TMCO4: variants seen among roughly 807,000 people sequenced by gnomAD.
TMCO4 encodes transmembrane and coiled-coil domain-containing protein 4.
In TMCO4, 58 loss-of-function variants were observed where a neutral mutation model predicts 64.7. That is an observed-to-expected ratio of 0.90 (90% CI 0.73 to 1.12). TMCO4 has a LOEUF of 1.12. TMCO4 is among the 50% of genes most tolerant of loss of function. TMCO4 has a pLI of 0.00. For missense variants in TMCO4, 780 were observed against 825.9 expected (o/e 0.94, Z 0.68); for synonymous variants, 325 against 346.1 (o/e 0.94, Z 0.68).
intron 13 of TMCO4, among the ~76,000 whole-genome samples, chr1:19,712,589 CA>C (rs1449182334): frequency 2.7e-5 from 4 of 146,366 alleles, no homozygotes; most frequent in Non-Finnish European, 6.0e-5. Context: ...CACTGCACTC[CA>C]GCCTGGGCAA....
chr1:19,745,469 C>G (rs2041728180), intron 10 of TMCO4, 63 bp downstream of exon 10: 7 of 1,609,040 alleles, frequency 4.4e-6, no homozygotes, highest in Non-Finnish European at 5.9e-6. Context: ...AAAACCTAGC[C>G]CAGGGTCTGG....
intron 14 of TMCO4, among the ~76,000 whole-genome samples, chr1:19,695,747 T>A (rs2095231862): frequency 6.6e-6 from 1 of 152,022 alleles, no homozygotes; most frequent in Admixed American, 6.6e-5. Flanking sequence ...GGTTTGTGAG[T>A]GGGTACCACT....
At chr1:19,739,678 G>T in intron 12 of TMCO4, 146 bp downstream of exon 12, 1 of 1,105,102 alleles carries the variant, frequency 9.0e-7, no homozygotes, top group Non-Finnish European at 1.3e-6. Flanking sequence ...TACTTGAACT[G>T]GAGAGGCAGC....
rs1157696492 is a variant in TMCO4, at chr1:19,682,699, C to T, written c.*341G>A. The stretch of plus-strand genomic sequence containing the variant: ...AGAGCCCTCGGGACCTCCTGATGGA[C>T]AGCCAGACTCCAAAGCTATGAGAAG... On this transcript the variant is annotated 3_prime_UTR_variant, in exon 16 of 16. Transcript: ENST00000294543. 3 of 717,648 alleles carry T rather than the reference C, an allele frequency of 4.2e-6. No homozygotes were observed. Among genetic ancestry groups the T allele is most frequent in the African/African-American group, 3.5e-5 (2 of 57,272 alleles). The allele number at this position is 717,648 out of a possible 1,614,324, so 44.5% of individuals were successfully genotyped here.
chr1:19,683,215 G>A lies in TMCO4; in HGVS notation c.1730C>T (p.Thr577Ile), dbSNP rs753574106. The change falls in exon 16 of 16, where the codon ACA (threonine) becomes ATA (isoleucine). Residue 577 changes from threonine to isoleucine, a missense_variant. Coordinates refer to ENST00000294543, the MANE Select transcript of TMCO4 (RefSeq NM_181719.7). ...TGGCACCTGGGCTTGGCTGGGGTCT[G>A]TGGACATGGCCAATTTGGAGGTGTC... ...SGDTSKLAMS[T>I]DPSQAQVPVG... The A allele has an allele frequency of 6.2e-7, 1 of 1,614,208 alleles. No individual in the cohort carries two copies. Among genetic ancestry groups the A allele is most frequent in the South Asian group, 1.1e-5 (1 of 91,086 alleles).
intron 6 of TMCO4, 43 bp downstream of exon 6, chr1:19,770,499 A>C (rs376406369): frequency 2.0e-5 from 32 of 1,612,542 alleles, no homozygotes; most frequent in Non-Finnish European, 2.7e-5. Context: ...CCAAGGGTGC[A>C]GATGGGTACC....
At chr1:19,786,161 T>C (rs1376836051) in intron 3 of TMCO4, among the ~76,000 whole-genome samples, 1 of 152,102 alleles carries the variant, frequency 6.6e-6, no homozygotes, top group Non-Finnish European at 1.5e-5. Flanking sequence ...GGCAGGAGCA[T>C]CGCTTAAGCC....
intron 10 of TMCO4, among the ~76,000 whole-genome samples, chr1:19,742,667 T>A (rs558983690): frequency 6.6e-6 from 1 of 152,328 alleles, no homozygotes; most frequent in East Asian, 1.9e-4. Context: ...CCCAGCTCGA[T>A]GGCTTCCACG....
At chr1:19,790,676 G>T (rs909819767) in intron 2 of TMCO4, among the ~76,000 whole-genome samples, 1 of 152,206 alleles carries the variant, frequency 6.6e-6, no homozygotes, top group Non-Finnish European at 1.5e-5. Context: ...TGGCAAGGCT[G>T]CAGAGAAATA....
intron 13 of TMCO4, among the ~76,000 whole-genome samples, chr1:19,729,221 C>T (rs2095420342): frequency 1.3e-5 from 2 of 151,984 alleles, no homozygotes; most frequent in Non-Finnish European, 2.9e-5. Context: ...CCAATCTCGG[C>T]TCACTGCAAC....
rs149159819 is a variant in TMCO4, at chr1:19,736,145, C to G, written c.1264+1227G>C. Among the ~76,000 whole-genome samples the G allele has an allele frequency of 4.1e-3, 622 of 152,286 alleles. 3 individuals carry two copies. The highest frequency in any genetic ancestry group is 0.013 in the African/African-American group (549 of 41,552). ...CTTTTGGCCACCGTGTTTGGAGAGG[C>G]CGTTTTGCAGCAACAAATAACAATC... On this transcript the variant is annotated intron_variant, in intron 13 of 15. Transcript: ENST00000294543.
chr1:19,795,001 A>G (rs1018242829), intron 2 of TMCO4, among the ~76,000 whole-genome samples: 16 of 152,132 alleles, frequency 1.1e-4, no homozygotes, highest in African/African-American at 3.9e-4. Flanking sequence ...GAGGAGGAAC[A>G]GGGGAGGGAA....
At chr1:19,747,614 C>T (rs2041849642) in intron 7 of TMCO4, among the ~76,000 whole-genome samples, 1 of 152,152 alleles carries the variant, frequency 6.6e-6, no homozygotes, top group Non-Finnish European at 1.5e-5. Flanking sequence ...CAGACTCCAT[C>T]ACCTCCCTCC....
Position 19,683,096 on chromosome 1 carries a change from GT to G in TMCO4, c.1848del (p.Leu617TrpfsTer64), listed in dbSNP as rs748977324. On this transcript the variant is annotated frameshift_variant, in exon 16 of 16. Coordinates refer to ENST00000294543, the MANE Select transcript of TMCO4 (RefSeq NM_181719.7). LOFTEE classifies it high-confidence loss of function. Reference sequence around the variant, plus strand: ...TTGCAGGCACAATCGGGGCAGCCCAGTGGGTTGGGGTCCATGCCATGGCTGC... The same window carrying G: ...TTGCAGGCACAATCGGGGCAGCCCAGGGGTTGGGGTCCATGCCATGGCTGC... ...PICSHGMDPN[P>X]LGCPDCACKT... 31 of 1,610,778 alleles carry G rather than the reference GT, an allele frequency of 1.9e-5. No individual in the cohort carries two copies. The highest frequency in any genetic ancestry group is 2.5e-5 in the Non-Finnish European group (30 of 1,178,606).
chr1:19,725,174 AC>A (rs2095403463), intron 13 of TMCO4, among the ~76,000 whole-genome samples: 1 of 152,070 alleles, frequency 6.6e-6, no homozygotes, highest in Non-Finnish European at 1.5e-5. Flanking sequence ...TGACTAATGG[AC>A]CCTAGGGCCC....
intron 13 of TMCO4, among the ~76,000 whole-genome samples, chr1:19,716,572 A>G (rs2095357893): frequency 6.6e-6 from 1 of 151,724 alleles, no homozygotes; most frequent in Non-Finnish European, 1.5e-5. Flanking sequence ...AAAGGGACAG[A>G]TAAAGGGTCA....
At chr1:19,780,482 C>T in intron 4 of TMCO4, 98 bp downstream of exon 4, 2 of 1,407,638 alleles carry the variant, frequency 1.4e-6, no homozygotes, top group Non-Finnish European at 1.9e-6. Flanking sequence ...ACTTGCCCCT[C>T]TCTGCATTGC....
At chr1:19,749,145 C>G (rs894735098) in intron 7 of TMCO4, among the ~76,000 whole-genome samples, 2 of 152,242 alleles carry the variant, frequency 1.3e-5, no homozygotes, top group African/African-American at 2.4e-5. Context: ...GGAGGGCCAT[C>G]AAGATCGAGG....
chr1:19,709,028 A>G (rs1384409139), intron 13 of TMCO4, among the ~76,000 whole-genome samples: 1 of 152,142 alleles, frequency 6.6e-6, no homozygotes, highest in African/African-American at 2.4e-5. Context: ...ACACGTGCAC[A>G]TGATAGACAC....
Sources: allele counts gnomAD v4.1 joint callset (sites outside exome capture counted in the v4.1 genomes callset), GRCh38; gene constraint gnomAD v4.1.1; transcripts MANE v1.5; gene names NCBI Gene and HGNC (gene_info 2026-07-23, HGNC 2026-07-21).